SERPINE2: variants seen among roughly 807,000 people sequenced by gnomAD.
The protein encoded by SERPINE2 is glia-derived nexin.
In SERPINE2, 14 loss-of-function variants were observed where a neutral mutation model predicts 36.3. The ratio of observed to expected loss-of-function variants is 0.39; its 90% CI spans 0.25 to 0.60. The LOEUF is 0.60. Among genes scored for constraint, SERPINE2 ranks in the 20% least tolerant of loss-of-function variants. SERPINE2 has a pLI of 0.57. For missense variants in SERPINE2, 418 were observed against 499.6 expected (o/e 0.84, Z 1.56); for synonymous variants, 192 against 191.8 (o/e 1.00, Z -0.01).
intron 3 of SERPINE2, among the ~76,000 whole-genome samples, chr2:223,997,421 T>C (rs536474853): frequency 7.2e-4 from 110 of 152,296 alleles, no homozygotes; most frequent in Non-Finnish European, 1.5e-3. Context: ...GGATAAACCA[T>C]GTTGGCCAGG....
intron 1 of SERPINE2, among the ~76,000 whole-genome samples, chr2:224,013,202 T>C (rs1429670648): frequency 2.6e-5 from 4 of 152,204 alleles, no homozygotes; most frequent in Admixed American, 6.5e-5. Flanking sequence ...CTCACTGAAA[T>C]AGGAACGTGG....
chr2:224,035,056 G>A (rs956364621), intron 1 of SERPINE2, among the ~76,000 whole-genome samples: 5 of 152,160 alleles, frequency 3.3e-5, no homozygotes, highest in Non-Finnish European at 5.9e-5. Flanking sequence ...ATTTTATTAG[G>A]AGGGACCCAA....
At chr2:223,993,173 G>C (rs919300891) in intron 3 of SERPINE2, among the ~76,000 whole-genome samples, 7 of 151,990 alleles carry the variant, frequency 4.6e-5, no homozygotes, top group Non-Finnish European at 7.4e-5. Flanking sequence ...AAAAAATTAA[G>C]GTCTGTCCTA....
intron 1 of SERPINE2, among the ~76,000 whole-genome samples, chr2:224,005,830 A>G (rs1012777940): frequency 6.6e-6 from 1 of 152,320 alleles, no homozygotes; most frequent in African/African-American, 2.4e-5. Flanking sequence ...TTGTTTCACA[A>G]CAGTAAAAAT....
At chr2:223,998,026 G>T in intron 3 of SERPINE2, 89 bp downstream of exon 3, 2 of 1,025,406 alleles carry the variant, frequency 2.0e-6, no homozygotes, top group Non-Finnish European at 3.0e-6. Context: ...CCATTGAATT[G>T]GACTTGCAGA....
At chr2:224,011,185 A>G (rs1175960153) in intron 1 of SERPINE2, among the ~76,000 whole-genome samples, 1 of 152,228 alleles carries the variant, frequency 6.6e-6, no homozygotes, top group East Asian at 1.9e-4. Context: ...TTAAGACGTA[A>G]TGGTCCAAAT....
rs532841550 is a variant in SERPINE2, at chr2:224,029,734, C to T, written c.-23+9365G>A. ...TTTTATTTTGAGACAGAGCCTCCCT[C>T]TGTTACCCAGGCTGGAGTGCAGTGG... is the stretch of plus-strand genomic sequence containing the variant. On this transcript the variant is annotated intron_variant, in intron 1 of 8. Coordinates refer to ENST00000409304, the MANE Select transcript of SERPINE2 (RefSeq NM_001136528.2). Among the ~76,000 whole-genome samples, 6 of 152,056 alleles carry T rather than the reference C, an allele frequency of 3.9e-5. No individual in the cohort carries two copies. In the South Asian group the frequency reaches 1.2e-3, roughly 32 times the overall value.
At chr2:223,980,271 C>T (rs781233747) in intron 7 of SERPINE2, 40 bp downstream of exon 7, 17 of 1,512,690 alleles carry the variant, frequency 1.1e-5, no homozygotes, top group Non-Finnish European at 1.5e-5. Flanking sequence ...GTGTTTGCTC[C>T]CCTGCTAGAG....
At chr2:223,986,975 T>G (rs1690457974) in intron 4 of SERPINE2, among the ~76,000 whole-genome samples, 1 of 152,090 alleles carries the variant, frequency 6.6e-6, no homozygotes, top group African/African-American at 2.4e-5. Flanking sequence ...TAACACCTTT[T>G]CTGTCTTTCT....
intron 1 of SERPINE2, among the ~76,000 whole-genome samples, chr2:224,025,964 G>A (rs1048275079): frequency 1.3e-5 from 2 of 152,226 alleles, no homozygotes; most frequent in Admixed American, 6.5e-5. Flanking sequence ...CCGCAGAGCT[G>A]GGCTACATTT....
chr2:224,036,104 G>A (rs1156428097), intron 1 of SERPINE2, among the ~76,000 whole-genome samples: 1 of 152,126 alleles, frequency 6.6e-6, no homozygotes, highest in Non-Finnish European at 1.5e-5. Flanking sequence ...TAAAGGGCAC[G>A]GGTAAGCGCA....
chr2:224,038,716 C>T, intron 1 of SERPINE2: 3 of 603,244 alleles, frequency 5.0e-6, no homozygotes, highest in African/African-American at 1.8e-5. Context: ...CGGCGAGCAG[C>T]TGGAAACCTC....
At chr2:223,986,630 G>T (rs889281931) in intron 4 of SERPINE2, among the ~76,000 whole-genome samples, 12 of 152,162 alleles carry the variant, frequency 7.9e-5, no homozygotes, top group Non-Finnish European at 1.8e-4. Flanking sequence ...ATGAAATAAG[G>T]ACCTGGAGGT....
At chr2:224,030,836 T>C (rs932562074) in intron 1 of SERPINE2, 12 of 387,296 alleles carry the variant, frequency 3.1e-5, no homozygotes, top group Non-Finnish European at 4.2e-5. Flanking sequence ...CTTAAGTTAT[T>C]CGCTTGGACT....
intron 1 of SERPINE2, among the ~76,000 whole-genome samples, chr2:224,035,974 G>A (rs961467494): frequency 7.6e-6 from 1 of 132,068 alleles, no homozygotes; most frequent in Non-Finnish European, 1.6e-5. Context: ...ACATCTCCAT[G>A]AACGGTGGAA....
intron 8 of SERPINE2, among the ~76,000 whole-genome samples, chr2:223,977,083 T>C (rs1269565115): frequency 1.3e-5 from 2 of 152,206 alleles, no homozygotes; most frequent in Non-Finnish European, 2.9e-5. Context: ...GTGAGGTTCC[T>C]GAGGCTTCCC....
At chr2:224,024,435 A>G (rs1692116938) in intron 1 of SERPINE2, among the ~76,000 whole-genome samples, 1 of 152,142 alleles carries the variant, frequency 6.6e-6, no homozygotes, top group Non-Finnish European at 1.5e-5. Context: ...ACCTGACTCC[A>G]TTTCCTTTGC....
chr2:224,031,587 G>C, intron 1 of SERPINE2: 1 of 754,574 alleles, frequency 1.3e-6, no homozygotes, highest in Non-Finnish European at 1.6e-6. Flanking sequence ...GCCAATCACA[G>C]GACCTCACTC....
chr2:223,988,842 G>A (rs1165717757), intron 4 of SERPINE2, among the ~76,000 whole-genome samples: 3 of 152,206 alleles, frequency 2.0e-5, no homozygotes, highest in Non-Finnish European at 4.4e-5. Context: ...GGAATATTAT[G>A]TGGCTGATAA....
Sources: gnomAD v4.1 joint callset for allele counts (sites outside exome capture counted in the v4.1 genomes callset) on GRCh38, gnomAD v4.1.1 for gene constraint, MANE v1.5 for transcripts, NCBI Gene and HGNC (gene_info 2026-07-23, HGNC 2026-07-21) for gene names.